Variants in ZC3H4 observed in about 807,000 individuals in gnomAD.
The protein encoded by ZC3H4 is zinc finger CCCH domain-containing protein 4.
In ZC3H4, 13 loss-of-function variants were observed where a neutral mutation model predicts 108.3. That is an observed-to-expected ratio of 0.12 (90% CI 0.08 to 0.19). The LOEUF (loss-of-function observed/expected upper bound fraction) is 0.19, where lower values mean the gene tolerates loss of function less well. Ranked by LOEUF, ZC3H4 falls within the 10% of genes least tolerant of loss-of-function variation. ZC3H4 has a pLI of 1.00. For missense variants in ZC3H4, 1,734 were observed against 1,838.8 expected (o/e 0.94, Z 1.04); for synonymous variants, 917 against 749.6 (o/e 1.22, Z -3.65).
intron 2 of ZC3H4, among the ~76,000 whole-genome samples, chr19:47,108,310 CTGGT>C (rs1486215890): frequency 1.3e-5 from 2 of 152,152 alleles, no homozygotes; most frequent in African/African-American, 4.8e-5. Context: ...TCTCTAGAAT[CTGGT>C]TTGACTTGAT....
At chr19:47,112,215 G>A (rs180890292) in intron 2 of ZC3H4, 54 of 1,200,152 alleles carry the variant, frequency 4.5e-5, no homozygotes, top group African/African-American at 1.6e-4. Context: ...GCGCCGCGAG[G>A]GGGGGGAAAC....
chr19:47,067,603 C>CGGA lies in ZC3H4; in HGVS notation c.2662_2664dup (p.Ser888dup). 6.2e-7 allele frequency: 1 copy of CGGA among 1,605,626 alleles called. No homozygotes were observed. Among genetic ancestry groups the CGGA allele is most frequent in the Non-Finnish European group, 8.5e-7 (1 of 1,177,578 alleles). ...GGCAGGGCGCGAGCCAGCCGAGGAT[C>CGGA]GGAGGGTCCCGAATCACCTGGGCCA... is the stretch of plus-strand genomic sequence containing the variant. On this transcript the variant is annotated inframe_insertion, in exon 15 of 15. Coordinates refer to ENST00000253048, the MANE Select transcript of ZC3H4 (RefSeq NM_015168.2). The surrounding 1 kb of genome is among the most constrained non-coding windows in gnomAD (Gnocchi z 6.4).
intron 4 of ZC3H4, 143 bp from the exon 5 acceptor site, chr19:47,090,332 C>A (rs1171929041): frequency 2.3e-6 from 2 of 851,622 alleles, no homozygotes; most frequent in Non-Finnish European, 3.6e-6. Context: ...GTCTCCAGCC[C>A]CTCTGGGGAC....
At chr19:47,096,732 TGA>T (rs2057827089) in intron 2 of ZC3H4, 1 of 895,712 alleles carries the variant, frequency 1.1e-6, no homozygotes, top group Non-Finnish European at 1.3e-6. Context: ...GGGATAAAGC[TGA>T]GAGGGACATG....
In ZC3H4 at chr19:47,067,800, G is replaced by T. The variant is rs1276435936; in HGVS notation, c.2468C>A (p.Thr823Asn). 1.9e-6 allele frequency: 3 copies of T among 1,609,452 alleles called. No homozygotes were observed. Among genetic ancestry groups the T allele is most frequent in the African/African-American group, 1.3e-5 (1 of 74,872 alleles). The part of the protein sequence containing the change: ...GGSSVTSILK[T>N]LRQQTSSRPP... ...TCGGCTGGACGTCTGCTGCCTCAAGGTCTTCAGGATGGAGGTGACACTGCT... is the reference window on the plus strand; with the variant it reads ...TCGGCTGGACGTCTGCTGCCTCAAGTTCTTCAGGATGGAGGTGACACTGCT... Residue 823 changes from threonine to asparagine, a missense_variant, in exon 15 of 15, where the codon ACC (threonine) becomes AAC (asparagine). Physicochemically the swap from Thr to Asn is moderately conservative, Grantham distance 65. Transcript: ENST00000253048. The surrounding 1 kb of genome is among the most constrained non-coding windows in gnomAD (Gnocchi z 6.4).
chr19:47,089,687 A>T (rs1410616649), intron 5 of ZC3H4, among the ~76,000 whole-genome samples: 2 of 133,978 alleles, frequency 1.5e-5, no homozygotes, highest in Non-Finnish European at 1.8e-5. Flanking sequence ...CCCAGGTGAA[A>T]GAGAAGCTGT....
At chr19:47,077,063 A>T (rs1247400425) in intron 11 of ZC3H4, among the ~76,000 whole-genome samples, 1 of 151,704 alleles carries the variant, frequency 6.6e-6, no homozygotes, top group Non-Finnish European at 1.5e-5. Flanking sequence ...GCTACTCAAG[A>T]GGCAGAGAAC....
intron 2 of ZC3H4, among the ~76,000 whole-genome samples, chr19:47,106,240 C>T (rs77544990): frequency 0.015 from 2,262 of 152,284 alleles, 97 homozygotes; most frequent in Admixed American, 0.095. Context: ...CCATAGCTGT[C>T]CACCACCCAT....
chr19:47,067,943 C>G lies in ZC3H4; in HGVS notation c.2399-74G>C. ...CCCGCCCTCTTGGATCCCACAGCAG[C>G]CCACCGTGAGCAGCTCCTTTGCTTG... On this transcript the variant is annotated intron_variant, in intron 14 of 14. Transcript: ENST00000253048. The surrounding 1 kb of genome is among the most constrained non-coding windows in gnomAD (Gnocchi z 6.4). 1 of 1,407,138 alleles carries G rather than the reference C, an allele frequency of 7.1e-7. No homozygotes were observed. Among genetic ancestry groups the G allele is most frequent in the Non-Finnish European group, 9.7e-7 (1 of 1,033,434 alleles). 87.2% of individuals were successfully genotyped at this position (1,407,138 alleles called of 1,614,324 possible). A position where few individuals can be genotyped will look rare whatever the true frequency, so the allele number is the denominator to read the frequency against.
chr19:47,102,114 G>A (rs567458721), intron 2 of ZC3H4, among the ~76,000 whole-genome samples: 1 of 152,200 alleles, frequency 6.6e-6, no homozygotes, highest in Non-Finnish European at 1.5e-5. Flanking sequence ...TCCCCAAGCA[G>A]TTATTTAATA....
intron 13 of ZC3H4, 140 bp from the exon 14 acceptor site, chr19:47,069,483 T>G: frequency 8.8e-7 from 1 of 1,140,774 alleles, no homozygotes; most frequent in Non-Finnish European, 1.2e-6. Context: ...CCTCCCCAGG[T>G]CTCAGGGGAA....
intron 11 of ZC3H4, among the ~76,000 whole-genome samples, chr19:47,080,914 T>C (rs2057510004): frequency 6.6e-6 from 1 of 152,140 alleles, no homozygotes; most frequent in Non-Finnish European, 1.5e-5. Flanking sequence ...ATTACAAGCG[T>C]GAGCCACCAC....
intron 2 of ZC3H4, chr19:47,111,049 G>T: frequency 2.6e-6 from 1 of 386,826 alleles, no homozygotes; most frequent in Non-Finnish European, 3.5e-6. Flanking sequence ...AGACCCCCCG[G>T]CTAAGGAAGG....
chr19:47,100,597 G>A (rs187005911), intron 2 of ZC3H4, among the ~76,000 whole-genome samples: 5 of 151,796 alleles, frequency 3.3e-5, no homozygotes, highest in East Asian at 1.9e-4. Context: ...TGGATGTGAC[G>A]ATAGGAGAAA....
chr19:47,065,181 C>G lies in ZC3H4; in HGVS notation c.*1175G>C, dbSNP rs1230660852. On this transcript the variant is annotated 3_prime_UTR_variant, in exon 15 of 15. Transcript: ENST00000253048. ...TGGGAGCATGGGGGGAGCAGAGGCT[C>G]CCCATCCCCTGGCTGCAGGGTTCCC... 6.6e-6 allele frequency: 1 copy of G among 152,212 alleles called. No homozygotes were observed. Among genetic ancestry groups the G allele is most frequent in the Non-Finnish European group, 1.5e-5 (1 of 68,060 alleles). The allele number at this position is 152,212 out of a possible 1,614,324, so 9.4% of individuals were successfully genotyped here.
At chr19:47,083,284 A>T (rs145804838) in intron 9 of ZC3H4, among the ~76,000 whole-genome samples, 1,577 of 151,178 alleles carry the variant, frequency 0.01, 19 homozygotes, top group Non-Finnish European at 0.016. Context: ...CCTGGGCGAC[A>T]GAGAGAGACT....
chr19:47,105,324 G>A (rs2057954624), intron 2 of ZC3H4, among the ~76,000 whole-genome samples: 1 of 152,182 alleles, frequency 6.6e-6, no homozygotes, highest in Non-Finnish European at 1.5e-5. Flanking sequence ...CTACTGGCCA[G>A]GCGCGGTGGC....
intron 2 of ZC3H4, among the ~76,000 whole-genome samples, chr19:47,098,486 CAAAA>C (rs142251542): frequency 1.0e-5 from 1 of 100,278 alleles, no homozygotes; most frequent in African/African-American, 5.1e-5. Flanking sequence ...AACTGTGTCT[CAAAA>C]AAAAAAAAAA....
chr19:47,087,932 G>A (rs1367724345), intron 5 of ZC3H4, among the ~76,000 whole-genome samples: 1 of 152,072 alleles, frequency 6.6e-6, no homozygotes, highest in Non-Finnish European at 1.5e-5. Flanking sequence ...CCAACACTTT[G>A]GGAGGCTGAG....
Sources: gnomAD v4.1 joint callset for allele counts (sites outside exome capture counted in the v4.1 genomes callset) on GRCh38, gnomAD v4.1.1 for gene constraint, Gnocchi (gnomAD v3.1) non-coding constraint, MANE v1.5 for transcripts, NCBI Gene and HGNC (gene_info 2026-07-23, HGNC 2026-07-21) for gene names.